Variants in CFAP97D2 observed in about 807,000 individuals in gnomAD.
CFAP97D2 encodes CFAP97 domain containing 2.
intron 4 of CFAP97D2, among the ~76,000 whole-genome samples, chr13:114,221,797 A>C (rs753124578): frequency 1.3e-5 from 2 of 152,156 alleles, no homozygotes; most frequent in Non-Finnish European, 2.9e-5. Context: ...TTTGGAAAAC[A>C]GTTTGGTAGT....
chr13:114,189,592 C>T lies in CFAP97D2; in HGVS notation c.91-6804C>T, dbSNP rs556761550. ...AATCCACAGCAAAACTTAGCAAATT[C>T]GATTAAAAGTGTATAAAAAGTATTA... On this transcript the variant is annotated intron_variant, in intron 1 of 4. Transcript: ENST00000646158. The surrounding 1 kb of genome is among the most constrained non-coding windows in gnomAD (Gnocchi z 4.5). Among the ~76,000 whole-genome samples, 8 of 152,124 alleles carry T rather than the reference C, an allele frequency of 5.3e-5. No homozygotes were observed. Among genetic ancestry groups the T allele is most frequent in the African/African-American group, 9.6e-5 (4 of 41,490 alleles).
chr13:114,194,890 C>T (rs2080880503), intron 1 of CFAP97D2, among the ~76,000 whole-genome samples: 1 of 152,214 alleles, frequency 6.6e-6, no homozygotes, highest in Non-Finnish European at 1.5e-5. Flanking sequence ...AAGAAACTTG[C>T]TTCTAGAAAG....
intron 1 of CFAP97D2, among the ~76,000 whole-genome samples, chr13:114,194,544 C>T (rs180681795): frequency 7.2e-5 from 11 of 152,118 alleles, no homozygotes; most frequent in Admixed American, 2.0e-4. Context: ...GAAGGGAGAT[C>T]GGGTCTCCAT....
chr13:114,200,436 C>T (rs755790726), exon 3 of CFAP97D2: 1 of 398,720 alleles, frequency 2.5e-6, no homozygotes, highest in Non-Finnish European at 4.4e-6. Flanking sequence ...CAACTCCAAG[C>T]ACAGGAGGTA....
chr13:114,215,391 C>T (rs2080988909), intron 4 of CFAP97D2, among the ~76,000 whole-genome samples: 1 of 152,068 alleles, frequency 6.6e-6, no homozygotes, highest in Non-Finnish European at 1.5e-5. Context: ...ATCAATTCAC[C>T]TAAGTTTATT....
rs1011428489 is a variant in CFAP97D2 at position 114,185,643 on chromosome 13, T to C, written c.90+6223T>C. Among the ~76,000 whole-genome samples the C allele has an allele frequency of 2.0e-5, 3 of 152,224 alleles. No individual in the cohort carries two copies. Among genetic ancestry groups the C allele is most frequent in the Non-Finnish European group, 4.4e-5 (3 of 68,036 alleles). On this transcript the variant is annotated intron_variant, in intron 1 of 4. Coordinates refer to ENST00000646158, the Ensembl canonical transcript of CFAP97D2. This position sits in a 1 kb window ranked among gnomAD's most constrained non-coding sequence, Gnocchi z 5.2. ...CCCACTGCCTGGCTTCTCCCCACTG[T>C]TGGCACCAGCTCCGATCTTGGAGAA...
chr13:114,219,223 T>A (rs7982085), intron 4 of CFAP97D2, among the ~76,000 whole-genome samples: 20,248 of 152,220 alleles, frequency 0.13, 1,631 homozygotes, highest in African/African-American at 0.24. Flanking sequence ...TTTTATATTG[T>A]CTCATAAACA....
At chr13:114,180,453 T>G (rs117075446) in intron 1 of CFAP97D2, among the ~76,000 whole-genome samples, 1,696 of 152,244 alleles carry the variant, frequency 0.011, 19 homozygotes, top group Non-Finnish European at 0.02. Context: ...CCCGGCTCCT[T>G]CCCCAGCTCA....
At chr13:114,209,330 G>A (rs933719554) in intron 3 of CFAP97D2, among the ~76,000 whole-genome samples, 1 of 152,116 alleles carries the variant, frequency 6.6e-6, no homozygotes, top group African/African-American at 2.4e-5. Context: ...ACATCAATTT[G>A]CACAATAACA....
intron 4 of CFAP97D2, among the ~76,000 whole-genome samples, chr13:114,217,183 A>G (rs2080997704): frequency 6.6e-6 from 1 of 152,256 alleles, no homozygotes; most frequent in South Asian, 2.1e-4. Flanking sequence ...GCAATAAAAA[A>G]TGATAAAGGG....
At chr13:114,219,192 T>C (rs571993521) in intron 4 of CFAP97D2, among the ~76,000 whole-genome samples, 1 of 152,342 alleles carries the variant, frequency 6.6e-6, no homozygotes, top group South Asian at 2.1e-4. Context: ...ATTTTATTTT[T>C]AATATCTTTG....
chr13:114,187,727 C>T lies in CFAP97D2; in HGVS notation c.90+8307C>T, dbSNP rs1230405116. On this transcript the variant is annotated intron_variant, in intron 1 of 4. Transcript: ENST00000646158. This position sits in a 1 kb window ranked among gnomAD's most constrained non-coding sequence, Gnocchi z 4.2. ...TCAGTAAGGACATAGTTGAACTCAA[C>T]GTCATCATCAATCAACTAGATATAA... Among the ~76,000 whole-genome samples the T allele has an allele frequency of 2.0e-5, 3 of 152,086 alleles. No homozygotes were observed. The highest frequency in any genetic ancestry group is 7.2e-5 in the African/African-American group (3 of 41,410).
At chr13:114,208,053 C>T (rs566943129) in intron 3 of CFAP97D2, among the ~76,000 whole-genome samples, 57 of 152,316 alleles carry the variant, frequency 3.7e-4, no homozygotes, top group Admixed American at 5.9e-4. Flanking sequence ...GGGACCTCAG[C>T]TCACTCTGCC....
chr13:114,221,314 C>T (rs571460570), intron 4 of CFAP97D2, among the ~76,000 whole-genome samples: 2 of 152,336 alleles, frequency 1.3e-5, no homozygotes, highest in East Asian at 3.9e-4. Context: ...AGTTTCTTTC[C>T]TTTTTCCTCC....
intron 3 of CFAP97D2, among the ~76,000 whole-genome samples, chr13:114,201,861 G>A (rs979834850): frequency 2.0e-5 from 3 of 152,146 alleles, no homozygotes; most frequent in African/African-American, 7.2e-5. Context: ...TTTCACTCCT[G>A]ATTTCATTTT....
intron 4 of CFAP97D2, among the ~76,000 whole-genome samples, chr13:114,219,264 C>T (rs1023545334): frequency 1.3e-5 from 2 of 152,114 alleles, no homozygotes; most frequent in Admixed American, 1.3e-4. Context: ...TTAACCTAGT[C>T]CCAGAGGCTT....
At chr13:114,192,148 C>T (rs61972055) in intron 1 of CFAP97D2, among the ~76,000 whole-genome samples, 11,523 of 152,108 alleles carry the variant, frequency 0.076, 587 homozygotes, top group Middle Eastern at 0.13. Flanking sequence ...AATGCAGTGA[C>T]GGATACCTGT....
At position 114,179,841 on chromosome 13, in the gene CFAP97D2, G is replaced by A. The variant is rs2080826208; in HGVS notation, c.90+421G>A. On this transcript the variant is annotated intron_variant, in intron 1 of 4. Coordinates refer to ENST00000646158, the Ensembl canonical transcript of CFAP97D2. The surrounding 1 kb of genome is among the most constrained non-coding windows in gnomAD (Gnocchi z 4.8). ...GTTTTTGAGAGGGATGTTGCCATAGGGGTGTTGCCATGTTGGTCAGGCTAG... is the reference window on the plus strand; with the variant it reads ...GTTTTTGAGAGGGATGTTGCCATAGAGGTGTTGCCATGTTGGTCAGGCTAG... 1.3e-5 allele frequency among the ~76,000 whole-genome samples: 2 copies of A among 152,030 alleles called. No individual in the cohort carries two copies. The highest frequency in any genetic ancestry group is 4.2e-4 in the South Asian group (2 of 4,812).
intron 3 of CFAP97D2, among the ~76,000 whole-genome samples, chr13:114,209,618 C>T (rs926912417): frequency 4.6e-5 from 7 of 152,214 alleles, no homozygotes; most frequent in East Asian, 3.8e-4. Flanking sequence ...ACCAGTGTGG[C>T]GCTCATTCTG....
Sources: gnomAD v4.1 joint callset for allele counts (sites outside exome capture counted in the v4.1 genomes callset) on GRCh38, gnomAD v4.1.1 for gene constraint, Gnocchi (gnomAD v3.1) non-coding constraint, MANE v1.5 for transcripts, NCBI Gene and HGNC (gene_info 2026-07-23, HGNC 2026-07-21) for gene names.